Variants in SNX29 observed in about 807,000 individuals in gnomAD.
SNX29 encodes sorting nexin 29, also known as sorting nexin-29.
In SNX29, 78 loss-of-function variants were observed where a neutral mutation model predicts 102.1. The ratio of observed to expected loss-of-function variants is 0.76; its 90% confidence interval spans 0.64 to 0.92. The LOEUF (loss-of-function observed/expected upper bound fraction) is 0.92. Among genes scored for constraint, SNX29 ranks in the 40% least tolerant of loss-of-function variants. SNX29 has a pLI of 0.00. For missense variants in SNX29, 1,280 were observed against 1,061.7 expected (o/e 1.21, Z -2.86); for synonymous variants, 580 against 414.5 (o/e 1.40, Z -4.85).
chr16:12,467,666 T>G (rs1037859790), intron 18 of SNX29, among the ~76,000 whole-genome samples: 2 of 152,196 alleles, frequency 1.3e-5, no homozygotes, highest in African/African-American at 4.8e-5. Flanking sequence ...CATTCACTCA[T>G]TCATTCATTC....
Position 12,126,171 on chromosome 16 carries a change from G to A in SNX29, c.1403-462G>A, listed in dbSNP as rs1406321750. Among the ~76,000 whole-genome samples the A allele has an allele frequency of 4.6e-5, 7 of 152,160 alleles. No homozygotes were observed. The East Asian group carries it at 1.3e-3, about 29-fold the overall frequency. On this transcript the variant is annotated intron_variant, in intron 11 of 20. Coordinates refer to ENST00000566228, the MANE Select transcript of SNX29 (RefSeq NM_032167.5). ...CCCACTTGGGCTTGTGAACCATACG[G>A]CTACCTTATCTCCATCTTCCTATCT...
chr16:12,259,876 CCT>C (rs1397305482), intron 14 of SNX29, among the ~76,000 whole-genome samples: 1 of 151,492 alleles, frequency 6.6e-6, no homozygotes, highest in East Asian at 2.0e-4. Flanking sequence ...ATATAATGGA[CCT>C]CTCTGCTCAG....
At chr16:12,121,542 C>T (rs774691683) in intron 11 of SNX29, among the ~76,000 whole-genome samples, 2 of 152,236 alleles carry the variant, frequency 1.3e-5, no homozygotes, top group South Asian at 4.1e-4. Context: ...ACTGAGTCAC[C>T]TTAGGCTACA....
chr16:12,569,480 A>T lies in SNX29; in HGVS notation c.*851A>T, dbSNP rs2079139406. ...CATGAGAGACTTGGGTCAGGGAACC[A>T]CTGCAGAAGGTTCCAGGGTTTTCAA... On this transcript the variant is annotated 3_prime_UTR_variant, in exon 21 of 21. Transcript: ENST00000566228. The T allele has an allele frequency of 8.6e-6, 2 of 231,536 alleles. No individual in the cohort carries two copies. The highest frequency in any genetic ancestry group is 1.7e-5 in the Non-Finnish European group (2 of 116,970). 14.3% of individuals were successfully genotyped at this position (231,536 alleles called of 1,614,324 possible).
chr16:12,559,181 CTGGG>C, intron 20 of SNX29, among the ~76,000 whole-genome samples: 1 of 152,234 alleles, frequency 6.6e-6, no homozygotes, highest in African/African-American at 2.4e-5. Context: ...CTGTTAGGTA[CTGGG>C]CTACACAGTG....
rs59538324 is a variant in SNX29 at position 12,416,600 on chromosome 16, C to A, written c.2037+13071C>A. On this transcript the variant is annotated intron_variant, in intron 18 of 20. Transcript: ENST00000566228. Reference sequence around the variant, plus strand: ...GGTAGTTGATAAAGAGAAGAGGTTTCTTTGGCTCCCAGTTCTGCAGGCTGT... The same window carrying A: ...GGTAGTTGATAAAGAGAAGAGGTTTATTTGGCTCCCAGTTCTGCAGGCTGT... Among the ~76,000 whole-genome samples, 1,506 of 152,280 alleles carry A rather than the reference C, an allele frequency of 9.9e-3. 31 individuals are homozygous for A. Among genetic ancestry groups the A allele is most frequent in the African/African-American group, 0.035 (1,437 of 41,560 alleles).
intron 15 of SNX29, among the ~76,000 whole-genome samples, chr16:12,317,507 G>C (rs566347198): frequency 4.6e-5 from 7 of 152,178 alleles, no homozygotes; most frequent in Non-Finnish European, 8.8e-5. Flanking sequence ...TGTGCCTTTA[G>C]AGCCACAGTG....
chr16:12,371,718 C>T (rs866682880), intron 16 of SNX29, among the ~76,000 whole-genome samples: 1 of 152,206 alleles, frequency 6.6e-6, no homozygotes, highest in Admixed American at 6.5e-5. Context: ...CCACACTGTC[C>T]TGTTAGAGCA....
chr16:12,145,729 T>TACAGTAA (rs1187705083), intron 13 of SNX29, among the ~76,000 whole-genome samples: 2 of 152,238 alleles, frequency 1.3e-5, no homozygotes, highest in East Asian at 3.8e-4. Flanking sequence ...ATTACAATAA[T>TACAGTAA]ACAGTAAACA....
chr16:12,476,403 TATATATATAC>T lies in SNX29; in HGVS notation c.2038-1306_2038-1297del, dbSNP rs1409830602. On this transcript the variant is annotated intron_variant, in intron 18 of 20. Transcript: ENST00000566228. ...AAAAAAATATATATATATATATATA[TATATATATAC>T]ATATATATATATATATATATATATA... Among the ~76,000 whole-genome samples, 99 of 20,568 alleles carry T rather than the reference TATATATATAC, an allele frequency of 4.8e-3. 3 individuals are homozygous for T. In the East Asian group the frequency reaches 0.056, roughly 12 times the overall value. The allele number at this position is 20,568 out of a possible 152,430, so 13.5% of individuals were successfully genotyped here. A position where few individuals can be genotyped will look rare whatever the true frequency, so the allele number is the denominator to read the frequency against.
rs1158524552 is a variant in SNX29, at chr16:12,574,068, CTG to C, written c.*5442_*5443del. 2.1e-5 allele frequency: 4 copies of C among 191,992 alleles called. No individual in the cohort carries two copies. The highest frequency in any genetic ancestry group is 4.4e-5 in the Non-Finnish European group (4 of 91,868). The allele number at this position is 191,992 out of a possible 1,614,324, so 11.9% of individuals were successfully genotyped here. A position where few individuals can be genotyped will look rare whatever the true frequency, so the allele number is the denominator to read the frequency against. On this transcript the variant is annotated 3_prime_UTR_variant, in exon 21 of 21. Coordinates refer to ENST00000566228, the MANE Select transcript of SNX29 (RefSeq NM_032167.5). ...CTGTGTGTACATAAGGTCTAGAAGT[CTG>C]TGGAAACGCCCTGAAACCTGTAGTA...
At chr16:12,549,530 C>CAGT (rs57031725) in intron 20 of SNX29, among the ~76,000 whole-genome samples, 5 of 151,736 alleles carry the variant, frequency 3.3e-5, no homozygotes, top group African/African-American at 1.2e-4. Context: ...TCCTCTATCT[C>CAGT]AAATAGCCAG....
In SNX29 at chr16:12,570,485, T is replaced by G. The variant is rs151075481; in HGVS notation, c.*1856T>G. 33 of 233,504 alleles carry G rather than the reference T, an allele frequency of 1.4e-4. 1 individual carries two copies. The East Asian group carries it at 1.9e-3, about 14-fold the overall frequency. 14.5% of individuals were successfully genotyped at this position (233,504 alleles called of 1,614,324 possible). On this transcript the variant is annotated 3_prime_UTR_variant, in exon 21 of 21. Coordinates refer to ENST00000566228, the MANE Select transcript of SNX29 (RefSeq NM_032167.5). ...ACGTCTAAAAGCTCAATCTGCTGTA[T>G]GTCATGACCCCTTAGGTTGGGTTTA...
At chr16:12,116,227 G>A (rs2053696035) in intron 11 of SNX29, among the ~76,000 whole-genome samples, 1 of 152,168 alleles carries the variant, frequency 6.6e-6, no homozygotes, top group Admixed American at 6.5e-5. Flanking sequence ...ACTGAAAGTA[G>A]AGACTCAAAC....
chr16:12,017,210 C>G (rs1334972344), intron 3 of SNX29, among the ~76,000 whole-genome samples: 1 of 152,184 alleles, frequency 6.6e-6, no homozygotes, highest in African/African-American at 2.4e-5. Context: ...ATTGGCAATA[C>G]CTATTTCCCC....
chr16:12,013,500 A>AATATAT lies in SNX29; in HGVS notation c.122+10494_122+10499dup, dbSNP rs66491414. ...GTCTCTACTGGGGGAAAAAAAAAAA[A>AATATAT]ATATATATATATATATATATATATA... On this transcript the variant is annotated intron_variant, in intron 3 of 20. Transcript: ENST00000566228. Among the ~76,000 whole-genome samples the AATATAT allele has an allele frequency of 7.5e-3, 235 of 31,460 alleles. 10 individuals are homozygous for AATATAT. Among genetic ancestry groups the AATATAT allele is most frequent in the Non-Finnish European group, 8.8e-3 (143 of 16,172 alleles). The allele number at this position is 31,460 out of a possible 152,430, so 20.6% of individuals were successfully genotyped here.
chr16:12,479,930 T>C (rs893241508), intron 19 of SNX29, among the ~76,000 whole-genome samples: 3 of 152,150 alleles, frequency 2.0e-5, no homozygotes, highest in Admixed American at 2.0e-4. Flanking sequence ...TGACTTAACA[T>C]TGTCTGGGGT....
intron 15 of SNX29, among the ~76,000 whole-genome samples, chr16:12,348,282 T>C (rs942431587): frequency 2.6e-5 from 4 of 152,218 alleles, no homozygotes; most frequent in African/African-American, 9.7e-5. Flanking sequence ...CTGTTGTCGG[T>C]GTTGCCTTCA....
intron 3 of SNX29, among the ~76,000 whole-genome samples, chr16:12,008,132 G>A (rs1295152083): frequency 6.6e-6 from 1 of 152,114 alleles, no homozygotes; most frequent in East Asian, 1.9e-4. Flanking sequence ...TTTTAGTAGA[G>A]ATGGGGTTTC....
Sources: allele counts gnomAD v4.1 joint callset (sites outside exome capture counted in the v4.1 genomes callset), GRCh38; gene constraint gnomAD v4.1.1; transcripts MANE v1.5; gene names NCBI Gene and HGNC (gene_info 2026-07-23, HGNC 2026-07-21).